Variants in POLR1C observed in about 807,000 individuals in gnomAD.
POLR1C encodes the protein DNA-directed RNA polymerases I and III subunit RPAC1.
Under a neutral mutation model 38.3 loss-of-function variants are expected in POLR1C, and 42 were observed. That is an observed-to-expected ratio of 1.10 (90% confidence interval 0.86 to 1.42). The LOEUF (loss-of-function observed/expected upper bound fraction) is 1.42. POLR1C is among the 40% of genes most tolerant of loss of function. The pLI, the probability that POLR1C is intolerant of heterozygous loss-of-function variation, is 0.00. For synonymous variants in POLR1C, 163 were observed against 163.9 expected (o/e 0.99, Z 0.04); for missense variants, 507 against 450.5 (o/e 1.13, Z -1.14).
chr6:43,542,058 C>T (rs540365758), intron 9 of POLR1C, among the ~76,000 whole-genome samples: 3 of 152,302 alleles, frequency 2.0e-5, no homozygotes, highest in South Asian at 2.1e-4. Flanking sequence ...GCTAGGATTA[C>T]ATGCATGAGC....
In POLR1C at chr6:43,553,263, CT is replaced by C. The variant is rs531267095; in HGVS notation, c.*48+2253del. On this transcript the variant is annotated intron_variant, in intron 10 of 10. Transcript: ENST00000607635. ...GTTACAGAGAGCTATGATTGTGCCA[CT>C]GCATTTCAGCCTGAGCAACAGAGAG... 1.1e-4 allele frequency: 150 copies of C among 1,360,652 alleles called. 1 individual carries two copies. The East Asian group carries it at 3.9e-3, about 36-fold the overall frequency. The allele number at this position is 1,360,652 out of a possible 1,614,324, so 84.3% of individuals were successfully genotyped here.
intron 9 of POLR1C, among the ~76,000 whole-genome samples, chr6:43,542,486 T>G (rs1794748944): frequency 6.6e-6 from 1 of 152,162 alleles, no homozygotes. Flanking sequence ...CTCAGCTCAC[T>G]GCAACCTCCG....
intron 10 of POLR1C, among the ~76,000 whole-genome samples, chr6:43,559,911 G>A (rs1762319917): frequency 6.6e-6 from 1 of 152,014 alleles, no homozygotes; most frequent in Admixed American, 6.6e-5. Flanking sequence ...AACTTCCCAA[G>A]CTCAGGTGAT....
intron 9 of POLR1C, chr6:43,549,554 T>C (rs1314253346): frequency 1.2e-6 from 2 of 1,613,442 alleles, no homozygotes; most frequent in Non-Finnish European, 8.5e-7. Context: ...CTCCTCACAT[T>C]CCTCACTGCC....
At chr6:43,538,073 A>G (rs570434298) in intron 9 of POLR1C, among the ~76,000 whole-genome samples, 10 of 137,588 alleles carry the variant, frequency 7.3e-5, no homozygotes, top group African/African-American at 2.9e-4. Context: ...TGACAGAACA[A>G]GATGGTCTCA....
At chr6:43,560,767 A>G (rs1029375634) in intron 10 of POLR1C, among the ~76,000 whole-genome samples, 10 of 152,228 alleles carry the variant, frequency 6.6e-5, no homozygotes, top group African/African-American at 2.2e-4. Flanking sequence ...CTCAGGAAGA[A>G]GAGCCAATAA....
At chr6:43,524,642 T>G (rs1426858655), downstream of POLR1C, 1 of 1,613,150 alleles carries the variant, frequency 6.2e-7, no homozygotes, top group Non-Finnish European at 8.5e-7. Flanking sequence ...GGCGCTGATA[T>G]CAGCAGGGAT....
intron 9 of POLR1C, among the ~76,000 whole-genome samples, chr6:43,546,940 C>T (rs1387663335): frequency 6.6e-6 from 1 of 152,154 alleles, no homozygotes; most frequent in Non-Finnish European, 1.5e-5. Flanking sequence ...CCTCTCACTG[C>T]CATTTTCAGG....
chr6:43,524,084 C>T (rs745465790), downstream of POLR1C: 20 of 1,538,370 alleles, frequency 1.3e-5, no homozygotes, highest in Non-Finnish European at 1.4e-5. Flanking sequence ...GGCGCAGTGG[C>T]TCGCGCCTGT....
chr6:43,549,726 C>T, intron 9 of POLR1C: 3 of 1,211,848 alleles, frequency 2.5e-6, no homozygotes, highest in Non-Finnish European at 3.5e-6. Context: ...TTATAGCCAC[C>T]AAGAATCCAT....
downstream of POLR1C, among the ~76,000 whole-genome samples, chr6:43,521,758 T>A (rs1793203582): frequency 6.6e-6 from 1 of 152,188 alleles, no homozygotes; most frequent in Admixed American, 6.5e-5. Flanking sequence ...GTCAAACTCC[T>A]GACCTCAAGT....
intron 10 of POLR1C, chr6:43,551,037 A>T (rs1157106903): frequency 3.5e-6 from 1 of 284,356 alleles, no homozygotes; most frequent in East Asian, 6.4e-5. Flanking sequence ...ATATTTAATA[A>T]ATGAATAAAT....
At chr6:43,530,370 G>A (rs886155317), downstream of POLR1C, among the ~76,000 whole-genome samples, 4 of 149,884 alleles carry the variant, frequency 2.7e-5, no homozygotes, top group South Asian at 6.3e-4. Context: ...GCTGTGAGCC[G>A]AGATCATACC....
At chr6:43,559,699 T>C (rs1341054246) in intron 10 of POLR1C, among the ~76,000 whole-genome samples, 1 of 152,230 alleles carries the variant, frequency 6.6e-6, no homozygotes, top group Non-Finnish European at 1.5e-5. Context: ...AGTACTCTCA[T>C]ATGGAAGAGC....
At chr6:43,519,923 G>T in intron 4 of POLR1C, 85 bp downstream of exon 4, 1 of 1,543,130 alleles carries the variant, frequency 6.5e-7, no homozygotes, top group Middle Eastern at 1.7e-4. Context: ...ACTTATCTTT[G>T]TACATCAGTG....
At chr6:43,547,507 C>T in intron 9 of POLR1C, 2 of 1,060,048 alleles carry the variant, frequency 1.9e-6, no homozygotes, top group Admixed American at 2.0e-5. Flanking sequence ...CCACGTTTCT[C>T]ACCAGTATAG....
intron 10 of POLR1C, among the ~76,000 whole-genome samples, chr6:43,552,999 C>A (rs766427286): frequency 1.3e-5 from 2 of 151,956 alleles, no homozygotes; most frequent in Non-Finnish European, 2.9e-5. Flanking sequence ...AGATGTACAT[C>A]CATAGATTTT....
exon 9 of POLR1C, chr6:43,529,378 T>TAAAAA (rs35493258): frequency 1.1e-4 from 13 of 121,828 alleles, no homozygotes; most frequent in African/African-American, 2.8e-4. Flanking sequence ...CCGTCTCTAC[T>TAAAAA]AAAAAAAAAA....
At chr6:43,555,709 A>G (rs1762044372) in intron 10 of POLR1C, 1 of 1,184,936 alleles carries the variant, frequency 8.4e-7, no homozygotes, top group African/African-American at 1.5e-5. Context: ...CTCCAGGATG[A>G]GCAAAGCTAT....
Sources: gnomAD v4.1 joint callset for allele counts (sites outside exome capture counted in the v4.1 genomes callset) on GRCh38, gnomAD v4.1.1 for gene constraint, MANE v1.5 for transcripts, NCBI Gene and HGNC (gene_info 2026-07-23, HGNC 2026-07-21) for gene names.